Variants in ANKS1B observed in about 807,000 individuals in gnomAD.
ANKS1B encodes the protein ankyrin repeat and sterile alpha motif domain containing 1B.
In ANKS1B, 36 loss-of-function variants were observed where a neutral mutation model predicts 148.3. That is an observed-to-expected ratio of 0.24 (90% confidence interval 0.19 to 0.32). The LOEUF (loss-of-function observed/expected upper bound fraction) is 0.32. Among genes scored for constraint, ANKS1B ranks in the 10% least tolerant of loss-of-function variants. ANKS1B has a pLI of 1.00. For missense variants in ANKS1B, 1,157 were observed against 1,542.6 expected (o/e 0.75, Z 4.19); for synonymous variants, 542 against 560.8 (o/e 0.97, Z 0.47).
At chr12:99,394,618 C>A (rs77069211) in intron 12 of ANKS1B, among the ~76,000 whole-genome samples, 4,018 of 151,888 alleles carry the variant, frequency 0.026, 168 homozygotes, top group East Asian at 0.085. Context: ...AGAGTTGATC[C>A]CTCTTTCCTT....
intron 9 of ANKS1B, chr12:98,735,715 C>A: frequency 1.6e-6 from 1 of 642,776 alleles, no homozygotes; most frequent in South Asian, 1.8e-5. Context: ...GTACCATGTG[C>A]CTGGCATTGT....
intron 18 of ANKS1B, 125 bp downstream of exon 18, chr12:98,831,904 C>G (rs763666928): frequency 1.2e-6 from 1 of 848,488 alleles, no homozygotes; most frequent in East Asian, 2.7e-5. Flanking sequence ...CAGGCACAAC[C>G]ACACCTGGCT....
At chr12:99,245,184 C>A (rs1210527820) in intron 13 of ANKS1B, among the ~76,000 whole-genome samples, 2 of 152,074 alleles carry the variant, frequency 1.3e-5, no homozygotes, top group Non-Finnish European at 2.9e-5. Flanking sequence ...ATGGTTTGAC[C>A]AACCACAAGC....
At chr12:99,239,905 C>A (rs544731350) in intron 14 of ANKS1B, among the ~76,000 whole-genome samples, 22 of 152,304 alleles carry the variant, frequency 1.4e-4, no homozygotes, top group Non-Finnish European at 3.1e-4. Context: ...CTTACAAGAG[C>A]TCCTGAAGAA....
chr12:99,835,705 T>A (rs955026904), intron 1 of ANKS1B, among the ~76,000 whole-genome samples: 2 of 152,328 alleles, frequency 1.3e-5, no homozygotes, highest in Middle Eastern at 3.4e-3. Flanking sequence ...ATGTGGACAG[T>A]GGCTACTATA....
At position 98,820,252 on chromosome 12, in the gene ANKS1B, G is replaced by T. The variant is rs192852431; in HGVS notation, c.3066+8922C>A. ...CTAGGCTGCTGGCATTGGAATCCTG[G>T]TTCTGTACCTTTTAATTTTTGTGGC... On this transcript the variant is annotated intron_variant, in intron 19 of 26. Coordinates refer to ENST00000683438, the MANE Select transcript of ANKS1B (RefSeq NM_001352186.2). Among the ~76,000 whole-genome samples, 623 of 152,304 alleles carry T rather than the reference G, an allele frequency of 4.1e-3. 5 individuals are homozygous for T. Among genetic ancestry groups the T allele is most frequent in the Non-Finnish European group, 5.3e-3 (362 of 68,034 alleles).
rs183690976 is a variant in ANKS1B at position 99,429,820 on chromosome 12, C to T, written c.1575+13853G>A. Reference sequence around the variant, plus strand: ...CTACTAAAAAATACAAAAAATTAGCCGGGCGTGGTGGCAGGCGCCTGTGGT... The same window carrying T: ...CTACTAAAAAATACAAAAAATTAGCTGGGCGTGGTGGCAGGCGCCTGTGGT... On this transcript the variant is annotated intron_variant, in intron 11 of 26. Coordinates refer to ENST00000683438, the MANE Select transcript of ANKS1B (RefSeq NM_001352186.2). Among the ~76,000 whole-genome samples, 148 of 152,002 alleles carry T rather than the reference C, an allele frequency of 9.7e-4. 2 individuals are homozygous for T. In the East Asian group the frequency reaches 0.02, roughly 20 times the overall value.
chr12:99,174,065 C>G (rs2153837065), intron 14 of ANKS1B, among the ~76,000 whole-genome samples: 1 of 152,282 alleles, frequency 6.6e-6, no homozygotes, highest in South Asian at 2.1e-4. Context: ...TTTGATCTTA[C>G]TAAGAGATCC....
chr12:99,868,423 T>C (rs1370233968), intron 1 of ANKS1B, among the ~76,000 whole-genome samples: 1 of 152,138 alleles, frequency 6.6e-6, no homozygotes, highest in African/African-American at 2.4e-5. Context: ...AATTGGAAAT[T>C]ACACAAGCAT....
chr12:99,257,706 G>A (rs1025885833), intron 12 of ANKS1B, among the ~76,000 whole-genome samples: 7 of 151,964 alleles, frequency 4.6e-5, no homozygotes, highest in Non-Finnish European at 1.5e-5. Context: ...GCTTTTCAAG[G>A]TATTTAGAAA....
At chr12:98,735,113 A>T (rs752145548) in exon 10 of ANKS1B, 1 of 398,568 alleles carries the variant, frequency 2.5e-6, no homozygotes. Context: ...ACAAGGTAAC[A>T]TGAAGAAAGA....
intron 10 of ANKS1B, among the ~76,000 whole-genome samples, chr12:99,487,150 A>G (rs1193610764): frequency 6.6e-6 from 1 of 152,188 alleles, no homozygotes; most frequent in Admixed American, 6.5e-5. Context: ...AAGGCCTGCC[A>G]TCCAGGTCCT....
At chr12:99,242,190 CA>C (rs2089473935) in intron 14 of ANKS1B, among the ~76,000 whole-genome samples, 1 of 152,146 alleles carries the variant, frequency 6.6e-6, no homozygotes, top group Admixed American at 6.6e-5. Flanking sequence ...GCAACTTCAG[CA>C]AAATCTCAGG....
intron 1 of ANKS1B, among the ~76,000 whole-genome samples, chr12:99,913,735 T>G (rs571024133): frequency 3.3e-5 from 5 of 151,538 alleles, no homozygotes; most frequent in Admixed American, 2.6e-4. Context: ...TTTGGGGGAG[T>G]TGGAAAAGTT....
At chr12:98,992,670 T>C (rs1276736200) in intron 17 of ANKS1B, among the ~76,000 whole-genome samples, 1 of 152,204 alleles carries the variant, frequency 6.6e-6, no homozygotes, top group African/African-American at 2.4e-5. Flanking sequence ...GTAGTATCTT[T>C]TAGCAGTGTG....
intron 1 of ANKS1B, among the ~76,000 whole-genome samples, chr12:99,855,489 C>T (rs1238191397): frequency 1.3e-5 from 2 of 152,106 alleles, no homozygotes; most frequent in African/African-American, 2.4e-5. Flanking sequence ...CCACTGACAG[C>T]ACTAGACAAA....
chr12:98,784,083 T>C (rs1566460301), intron 22 of ANKS1B, among the ~76,000 whole-genome samples: 1 of 152,190 alleles, frequency 6.6e-6, no homozygotes, highest in Non-Finnish European at 1.5e-5. Context: ...AAGAAGCCAC[T>C]GAGATAAGGA....
At chr12:99,329,963 A>G (rs915930648) in intron 12 of ANKS1B, among the ~76,000 whole-genome samples, 6 of 151,830 alleles carry the variant, frequency 4.0e-5, no homozygotes, top group African/African-American at 1.4e-4. Context: ...CATTGTTCTT[A>G]TGTCCTAAAC....
chr12:99,791,708 T>C (rs1245705317), intron 4 of ANKS1B, among the ~76,000 whole-genome samples: 4 of 151,584 alleles, frequency 2.6e-5, no homozygotes, highest in Admixed American at 6.6e-5. Flanking sequence ...TTGAAATAAG[T>C]TCATGGAAAC....
Sources: allele counts gnomAD v4.1 joint callset (sites outside exome capture counted in the v4.1 genomes callset), GRCh38; gene constraint gnomAD v4.1.1; transcripts MANE v1.5; gene names NCBI Gene and HGNC (gene_info 2026-07-23, HGNC 2026-07-21).